Variants in MACROD2 observed in about 807,000 individuals in gnomAD.
MACROD2 encodes ADP-ribose glycohydrolase MACROD2.
Under a neutral mutation model 70.4 loss-of-function variants are expected in MACROD2, and 36 were observed. The observed-to-expected ratio is 0.51, with a 90% CI of 0.39 to 0.68. The LOEUF (loss-of-function observed/expected upper bound fraction) is 0.68. MACROD2 is among the 30% of genes least tolerant of loss of function. The probability of loss-of-function intolerance (pLI) is 0.00; values close to 1 mark genes in which losing one functional copy is unlikely to be tolerated. For synonymous variants in MACROD2, 172 were observed against 178.8 expected (o/e 0.96, Z 0.30); for missense variants, 496 against 538.4 (o/e 0.92, Z 0.78).
At chr20:16,039,237 T>C (rs2067275560) in intron 15 of MACROD2, among the ~76,000 whole-genome samples, 2 of 152,036 alleles carry the variant, frequency 1.3e-5, no homozygotes, top group South Asian at 4.1e-4. Context: ...TTAGTCTGAA[T>C]CATTACAGTC....
At chr20:14,033,689 C>T (rs1342510988) in intron 2 of MACROD2, among the ~76,000 whole-genome samples, 2 of 152,124 alleles carry the variant, frequency 1.3e-5, no homozygotes, top group Admixed American at 6.5e-5. Context: ...AGCTCACACC[C>T]CAAATCCATA....
At chr20:14,123,260 G>T (rs974475194) in intron 3 of MACROD2, among the ~76,000 whole-genome samples, 2 of 152,104 alleles carry the variant, frequency 1.3e-5, no homozygotes, top group South Asian at 4.1e-4. Context: ...TGAAGCTCCT[G>T]TTTTTGTCCT....
intron 8 of MACROD2, among the ~76,000 whole-genome samples, chr20:15,566,396 G>GC (rs144896860): frequency 0.043 from 6,616 of 152,096 alleles, 205 homozygotes; most frequent in Non-Finnish European, 0.069. Flanking sequence ...TACTCGGGAG[G>GC]CTGAGGCATG....
At chr20:14,232,927 CAT>C (rs543414010) in intron 3 of MACROD2, among the ~76,000 whole-genome samples, 1 of 152,242 alleles carries the variant, frequency 6.6e-6, no homozygotes, top group Non-Finnish European at 1.5e-5. Flanking sequence ...AAGTGAGACA[CAT>C]GTGACTCTTT....
At chr20:14,388,032 CAG>C (rs565613575) in intron 3 of MACROD2, among the ~76,000 whole-genome samples, 193 of 135,878 alleles carry the variant, frequency 1.4e-3, no homozygotes, top group African/African-American at 4.9e-3. Context: ...TTTTTTGAGA[CAG>C]AGTCTTGCTC....
At chr20:15,186,151 G>C (rs761031186) in intron 5 of MACROD2, among the ~76,000 whole-genome samples, 1 of 152,044 alleles carries the variant, frequency 6.6e-6, no homozygotes, top group South Asian at 2.1e-4. Flanking sequence ...TGTCTATTTA[G>C]TCTGGGCCTT....
intron 4 of MACROD2, among the ~76,000 whole-genome samples, chr20:14,502,394 A>G (rs2084924329): frequency 1.3e-5 from 2 of 152,214 alleles, no homozygotes. Flanking sequence ...GTCCTGTCAC[A>G]GGCACTGTGG....
At chr20:15,365,537 T>C (rs1600299657) in intron 6 of MACROD2, among the ~76,000 whole-genome samples, 1 of 151,954 alleles carries the variant, frequency 6.6e-6, no homozygotes, top group East Asian at 1.9e-4. Flanking sequence ...GGCATGTGCC[T>C]GTAATCCCAG....
chr20:15,732,542 C>T (rs1238154162), intron 8 of MACROD2, among the ~76,000 whole-genome samples: 4 of 152,170 alleles, frequency 2.6e-5, no homozygotes, highest in African/African-American at 9.7e-5. Context: ...TCTGTCTCTA[C>T]TAATTAACCG....
At chr20:15,671,049 T>C (rs1221532274) in intron 8 of MACROD2, among the ~76,000 whole-genome samples, 1 of 152,242 alleles carries the variant, frequency 6.6e-6, no homozygotes, top group Non-Finnish European at 1.5e-5. Flanking sequence ...TGATCTGGTA[T>C]GGGCTGGCTC....
At chr20:14,894,355 C>T (rs6042973) in intron 5 of MACROD2, 27,325 of 151,946 alleles carry the variant, frequency 0.18, 2,623 homozygotes, top group Non-Finnish European at 0.2. Flanking sequence ...CTCAGCCTCC[C>T]GAGTAGCTAG....
chr20:15,580,354 T>TCCACTC (rs1379798009), intron 8 of MACROD2, among the ~76,000 whole-genome samples: 1 of 151,996 alleles, frequency 6.6e-6, no homozygotes, highest in African/African-American at 2.4e-5. Flanking sequence ...ACTTAAGAAC[T>TCCACTC]CCACTCCCAC....
intron 5 of MACROD2, among the ~76,000 whole-genome samples, chr20:14,988,349 C>T (rs1367018110): frequency 1.1e-5 from 1 of 92,164 alleles, no homozygotes; most frequent in Non-Finnish European, 2.0e-5. Flanking sequence ...GAGAATGAGA[C>T]TCTGTCAAAA....
intron 8 of MACROD2, among the ~76,000 whole-genome samples, chr20:15,856,653 G>A (rs772130003): frequency 6.6e-6 from 1 of 152,168 alleles, no homozygotes; most frequent in Non-Finnish European, 1.5e-5. Flanking sequence ...CACTGGTGAT[G>A]CAAAGATGAG....
intron 2 of MACROD2, among the ~76,000 whole-genome samples, chr20:14,035,062 T>A (rs1393850448): frequency 4.6e-5 from 7 of 152,196 alleles, no homozygotes; most frequent in South Asian, 2.1e-4. Context: ...TATTGCTCAG[T>A]TATAGGTAAG....
rs114437500 is a variant in MACROD2, at chr20:14,977,707, A to G, written c.419-252233A>G. ...ACACTGTGAACAACAATGAACAAGAATGGCGATGATGATGGCAGCAGTGAG... is the reference window on the plus strand; with the variant it reads ...ACACTGTGAACAACAATGAACAAGAGTGGCGATGATGATGGCAGCAGTGAG... On this transcript the variant is annotated intron_variant, in intron 5 of 17. Coordinates refer to ENST00000684519, the MANE Select transcript of MACROD2 (RefSeq NM_001351661.2). 5.9e-3 allele frequency among the ~76,000 whole-genome samples: 891 copies of G among 152,204 alleles called. 7 individuals carry two copies. The highest frequency in any genetic ancestry group is 0.021 in the African/African-American group (865 of 41,536).
intron 8 of MACROD2, among the ~76,000 whole-genome samples, chr20:15,842,254 C>T (rs764569625): frequency 6.6e-6 from 1 of 152,008 alleles, no homozygotes; most frequent in African/African-American, 2.4e-5. Flanking sequence ...GTGCATGCCA[C>T]GTCTTTGGGG....
At chr20:14,758,625 T>C (rs2071973948) in intron 5 of MACROD2, among the ~76,000 whole-genome samples, 1 of 152,166 alleles carries the variant, frequency 6.6e-6, no homozygotes, top group African/African-American at 2.4e-5. Flanking sequence ...AGCATTTTAA[T>C]AGCTTCCCAT....
chr20:14,226,960 G>T (rs1317129831), intron 3 of MACROD2, among the ~76,000 whole-genome samples: 1 of 152,262 alleles, frequency 6.6e-6, no homozygotes, highest in African/African-American at 2.4e-5. Flanking sequence ...GGCGAAGCCA[G>T]CTGGGCTCCT....
Sources: allele counts gnomAD v4.1 joint callset (sites outside exome capture counted in the v4.1 genomes callset), GRCh38; gene constraint gnomAD v4.1.1; transcripts MANE v1.5; gene names NCBI Gene and HGNC (gene_info 2026-07-23, HGNC 2026-07-21).